Variants in EGFR observed in about 807,000 individuals in gnomAD.
The protein encoded by EGFR is epidermal growth factor receptor.
In EGFR, 58 loss-of-function variants were observed where a neutral mutation model predicts 143.0. The ratio of observed to expected loss-of-function variants is 0.41; its 90% CI spans 0.33 to 0.50. The LOEUF (loss-of-function observed/expected upper bound fraction) is 0.50. Among genes scored for constraint, EGFR ranks in the 20% least tolerant of loss-of-function variants. EGFR has a pLI of 0.39. For missense variants in EGFR, 1,307 were observed against 1,579.0 expected (o/e 0.83, Z 2.92); for synonymous variants, 613 against 594.4 (o/e 1.03, Z -0.45).
chr7:55,040,801 A>G (rs954459210), intron 1 of EGFR, among the ~76,000 whole-genome samples: 4 of 152,228 alleles, frequency 2.6e-5, no homozygotes, highest in Non-Finnish European at 4.4e-5. Flanking sequence ...ACTTTACTCA[A>G]TTAACTAGGT....
intron 1 of EGFR, among the ~76,000 whole-genome samples, chr7:55,076,200 C>T (rs924338954): frequency 1.7e-4 from 26 of 152,194 alleles, no homozygotes; most frequent in Admixed American, 1.7e-3. Context: ...TTCAAGCCTA[C>T]ACCTTGCTGA....
chr7:55,143,773 T>C (rs558328179), intron 3 of EGFR, among the ~76,000 whole-genome samples: 1 of 152,144 alleles, frequency 6.6e-6, no homozygotes. Context: ...AAAGAGAGTA[T>C]GACCAAACAA....
At chr7:55,077,650 C>T (rs765468195) in intron 1 of EGFR, among the ~76,000 whole-genome samples, 9 of 152,168 alleles carry the variant, frequency 5.9e-5, no homozygotes, top group Non-Finnish European at 8.8e-5. Context: ...AGGGCAGCTG[C>T]TTGCACCGAA....
At chr7:55,202,254 A>G (rs1433991465) in intron 26 of EGFR, among the ~76,000 whole-genome samples, 4 of 152,250 alleles carry the variant, frequency 2.6e-5, no homozygotes, top group African/African-American at 4.8e-5. Context: ...ACACGTGGCT[A>G]GTGGTGACCG....
chr7:55,135,232 G>C (rs1237994952), intron 1 of EGFR, among the ~76,000 whole-genome samples: 1 of 151,978 alleles, frequency 6.6e-6, no homozygotes, highest in Admixed American at 6.6e-5. Context: ...TGGGTATTCT[G>C]TTCCCTAACT....
rs551232169 is a variant in EGFR, at chr7:55,105,621, C to G, written c.89-36665C>G. 1.3e-4 allele frequency among the ~76,000 whole-genome samples: 20 copies of G among 152,260 alleles called. 1 individual carries two copies. Among genetic ancestry groups the G allele is most frequent in the Middle Eastern group, 3.4e-3 (1 of 294 alleles). On this transcript the variant is annotated intron_variant, in intron 1 of 27. Transcript: ENST00000275493. Reference sequence around the variant, plus strand: ...CTAGCCATGGGCACAACTGGAGAAGCATTTAGGGAGCTTTAGTGCAAATTG... The same window carrying G: ...CTAGCCATGGGCACAACTGGAGAAGGATTTAGGGAGCTTTAGTGCAAATTG...
chr7:55,061,649 T>TGTGTGTGTGAGAGAGA (rs1432070752), intron 1 of EGFR, among the ~76,000 whole-genome samples: 16 of 132,732 alleles, frequency 1.2e-4, no homozygotes, highest in African/African-American at 1.2e-4. Context: ...TGTGTGTGTG[T>TGTGTGTGTGAGAGAGA]GAGAGAGAGA....
chr7:55,140,487 G>A (rs1038667493), intron 1 of EGFR, among the ~76,000 whole-genome samples: 1 of 152,172 alleles, frequency 6.6e-6, no homozygotes, highest in Admixed American at 6.5e-5. Flanking sequence ...TGTGCCAACC[G>A]AAAGGCCACA....
At chr7:55,041,525 G>A (rs1443326754) in intron 1 of EGFR, among the ~76,000 whole-genome samples, 1 of 152,132 alleles carries the variant, frequency 6.6e-6, no homozygotes, top group Non-Finnish European at 1.5e-5. Context: ...TAAATACATT[G>A]ACTGCATGCC....
At chr7:55,032,280 T>C (rs17289001) in intron 1 of EGFR, among the ~76,000 whole-genome samples, 2,138 of 152,248 alleles carry the variant, frequency 0.014, 56 homozygotes, top group African/African-American at 0.049. Flanking sequence ...AGTGGTATCA[T>C]CCTTAGAGGC....
In EGFR at chr7:55,210,191, A is replaced by G. The variant is rs900647445; in HGVS notation, c.*4574A>G. 7.9e-5 allele frequency: 12 copies of G among 152,244 alleles called. No homozygotes were observed. Among genetic ancestry groups the G allele is most frequent in the African/African-American group, 2.4e-4 (10 of 41,462 alleles). 9.4% of individuals were successfully genotyped at this position (152,244 alleles called of 1,614,324 possible). A position where few individuals can be genotyped will look rare whatever the true frequency, so the allele number is the denominator to read the frequency against. The stretch of plus-strand genomic sequence containing the variant: ...GTACATGTAAGAAAAGCAATAACAT[A>G]GCACTTTGTTGGTTTATATATATAA... On this transcript the variant is annotated 3_prime_UTR_variant, in exon 28 of 28. Coordinates refer to ENST00000275493, the MANE Select transcript of EGFR (RefSeq NM_005228.5).
intron 21 of EGFR, among the ~76,000 whole-genome samples, 158 bp downstream of exon 21, chr7:55,192,032 G>A (rs918833052): frequency 1.3e-5 from 2 of 152,140 alleles, no homozygotes; most frequent in African/African-American, 2.4e-5. Context: ...GTCCAGCCAG[G>A]GTCTCCTGGT....
intron 1 of EGFR, among the ~76,000 whole-genome samples, chr7:55,076,447 A>G (rs1790135780): frequency 6.6e-6 from 1 of 152,206 alleles, no homozygotes; most frequent in African/African-American, 2.4e-5. Flanking sequence ...AGGCATATTA[A>G]CTTTAATGAT....
intron 1 of EGFR, among the ~76,000 whole-genome samples, chr7:55,137,257 G>A (rs1477637026): frequency 1.3e-5 from 2 of 152,146 alleles, no homozygotes; most frequent in Non-Finnish European, 2.9e-5. Flanking sequence ...GGGAGAGACT[G>A]ACAACAGCCC....
chr7:55,037,305 C>T (rs374073370), intron 1 of EGFR, among the ~76,000 whole-genome samples: 56 of 152,306 alleles, frequency 3.7e-4, no homozygotes, highest in South Asian at 1.2e-3. Context: ...GGATAGAAAA[C>T]GTAGCCTCTG....
chr7:55,020,781 G>A (rs559717758), intron 1 of EGFR, among the ~76,000 whole-genome samples: 5 of 152,156 alleles, frequency 3.3e-5, no homozygotes, highest in African/African-American at 1.2e-4. Context: ...TGATGTCATT[G>A]GCTTGGGGAG....
chr7:55,147,515 A>G (rs1794831064), intron 4 of EGFR, among the ~76,000 whole-genome samples: 1 of 152,076 alleles, frequency 6.6e-6, no homozygotes, highest in Non-Finnish European at 1.5e-5. Flanking sequence ...CAGAACAAAA[A>G]AAAAAAAAAA....
At chr7:55,154,241 G>T (rs1785299507) in intron 7 of EGFR, 89 bp downstream of exon 7, 1 of 1,593,420 alleles carries the variant, frequency 6.3e-7, no homozygotes, top group African/African-American at 1.3e-5. Flanking sequence ...CCATCTTGGA[G>T]AGTCTTTGGG....
chr7:55,189,129 TAC>T (rs1438531139), intron 20 of EGFR, among the ~76,000 whole-genome samples: 1 of 151,780 alleles, frequency 6.6e-6, no homozygotes, highest in African/African-American at 2.4e-5. Context: ...TATATATATA[TAC>T]ACATATACAT....
Sources: gnomAD v4.1 joint callset for allele counts (sites outside exome capture counted in the v4.1 genomes callset) on GRCh38, gnomAD v4.1.1 for gene constraint, MANE v1.5 for transcripts, NCBI Gene and HGNC (gene_info 2026-07-23, HGNC 2026-07-21) for gene names.